The following GTF3C1 variants were observed in gnomAD, a reference collection of about 807,000 sequenced individuals.
GTF3C1 encodes general transcription factor IIIC subunit 1.
In GTF3C1, 57 loss-of-function variants were observed where a neutral mutation model predicts 226.7. That is an observed-to-expected ratio of 0.25 (90% CI 0.20 to 0.31). GTF3C1 has a LOEUF of 0.31. Among genes scored for constraint, GTF3C1 ranks in the 10% least tolerant of loss-of-function variants. The pLI is 1.00. For synonymous variants in GTF3C1, 1,090 were observed against 1,084.8 expected, an observed-to-expected ratio of 1.00 and a Z score of -0.09; for missense variants, 2,217 against 2,776.1, an observed-to-expected ratio of 0.80 and a Z score of 4.53.
At chr16:27,484,042 G>A (rs898060830) in intron 25 of GTF3C1, among the ~76,000 whole-genome samples, 169 bp downstream of exon 25, 3 of 152,150 alleles carry the variant, frequency 2.0e-5, no homozygotes, top group Admixed American at 1.3e-4. Flanking sequence ...CCAGAATCAT[G>A]CTTGGCCCTC....
chr16:27,499,332 G>C (rs2088370111), intron 12 of GTF3C1, among the ~76,000 whole-genome samples: 1 of 152,232 alleles, frequency 6.6e-6, no homozygotes, highest in African/African-American at 2.4e-5. Flanking sequence ...AACAGACTGT[G>C]TGGAAGGGAA....
At position 27,495,410 on chromosome 16, in the gene GTF3C1, G is replaced by C; in HGVS notation, c.2433C>G (p.Ile811Met). ...RVVHMFLWYLIYGHPASNTVE... is the reference protein window; with the variant it reads ...RVVHMFLWYLMYGHPASNTVE... ...CGGTGTTGCTGGCAGGGTGCCCGTA[G>C]ATGAGGTACCACAGAAACATGTGGA... The change falls in exon 15 of 37, where the codon ATC (isoleucine) becomes ATG (methionine). Residue 811 changes from isoleucine to methionine, a missense_variant. Physicochemically the swap from Ile to Met is conservative, Grantham distance 10 (BLOSUM62 1). This residue lies in a region of GTF3C1 where 353 missense variants were observed against 411.7 expected (regional missense o/e 0.86). Coordinates refer to ENST00000356183, the MANE Select transcript of GTF3C1 (RefSeq NM_001520.4). The C allele has an allele frequency of 6.2e-7, 1 of 1,613,994 alleles. No individual in the cohort carries two copies. The highest frequency in any genetic ancestry group is 8.5e-7 in the Non-Finnish European group (1 of 1,179,854).
Position 27,463,449 on chromosome 16 carries a change from GAAAGACCCTC to G in GTF3C1, c.5924+82_5924+91del. 4 of 781,992 alleles carry G rather than the reference GAAAGACCCTC, an allele frequency of 5.1e-6. No homozygotes were observed. Among genetic ancestry groups the G allele is most frequent in the Admixed American group, 4.2e-5 (2 of 47,426 alleles). The allele number at this position is 781,992 out of a possible 1,614,324, so 48.4% of individuals were successfully genotyped here. A position where few individuals can be genotyped will look rare whatever the true frequency, so the allele number is the denominator to read the frequency against. ...CAGGCTGTCAGAGCTGGTACCTGGGGAAAGACCCTCAAAGACCCTCACACAAATCCTTACA... is the reference window on the plus strand; with the variant it reads ...CAGGCTGTCAGAGCTGGTACCTGGGGAAAGACCCTCACACAAATCCTTACA... On this transcript the variant is annotated intron_variant, in intron 35 of 36. Coordinates refer to ENST00000356183, the MANE Select transcript of GTF3C1 (RefSeq NM_001520.4). This position sits in a 1 kb window ranked among gnomAD's most constrained non-coding sequence, Gnocchi z 4.9.
In GTF3C1 at chr16:27,513,028, G is replaced by A. The variant is rs577875389; in HGVS notation, c.974-1127C>T. On this transcript the variant is annotated intron_variant, in intron 6 of 36. Coordinates refer to ENST00000356183, the MANE Select transcript of GTF3C1 (RefSeq NM_001520.4). ...ACATGTGAACATGTTGCCTTCCATGGCCAAAGGGACTTGGCAGAAGTGATT... is the reference window on the plus strand; with the variant it reads ...ACATGTGAACATGTTGCCTTCCATGACCAAAGGGACTTGGCAGAAGTGATT... Among the ~76,000 whole-genome samples, 6 of 152,306 alleles carry A rather than the reference G, an allele frequency of 3.9e-5. No homozygotes were observed. The East Asian group carries it at 1.2e-3, about 29-fold the overall frequency.
In GTF3C1 at chr16:27,470,893, T is replaced by C. The variant is rs565439071; in HGVS notation, c.4527-498A>G. On this transcript the variant is annotated intron_variant, in intron 30 of 36. Transcript: ENST00000356183. This position sits in a 1 kb window ranked among gnomAD's most constrained non-coding sequence, Gnocchi z 4.9. ...GTCAGAGGGAGGGACCAAAAAGGCC[T>C]TCCTTGTCTGTGACCACTGCCCTCG... 1.2e-4 allele frequency among the ~76,000 whole-genome samples: 18 copies of C among 152,326 alleles called. No individual in the cohort carries two copies. The highest frequency in any genetic ancestry group is 1.1e-3 in the Admixed American group (17 of 15,300).
chr16:27,546,067 C>T (rs1596667844), intron 1 of GTF3C1, among the ~76,000 whole-genome samples: 1 of 152,054 alleles, frequency 6.6e-6, no homozygotes, highest in African/African-American at 2.4e-5. Context: ...AGGGTGGTCT[C>T]GAACTCCTGA....
chr16:27,495,621 T>C, intron 14 of GTF3C1, 129 bp from the exon 15 acceptor site: 1 of 799,142 alleles, frequency 1.3e-6, no homozygotes, highest in Non-Finnish European at 2.0e-6. Context: ...CTTACTGTCT[T>C]AGAGCTTACT....
chr16:27,498,017 C>A (rs2088346242), intron 13 of GTF3C1, among the ~76,000 whole-genome samples, 196 bp from the exon 14 acceptor site: 1 of 152,088 alleles, frequency 6.6e-6, no homozygotes, highest in Non-Finnish European at 1.5e-5. Context: ...GATTGTGGGG[C>A]CCTGAAGAGG....
At chr16:27,466,920 G>A (rs1234954167) in intron 32 of GTF3C1, among the ~76,000 whole-genome samples, 1 of 152,218 alleles carries the variant, frequency 6.6e-6, no homozygotes, top group South Asian at 2.1e-4. Flanking sequence ...GGAAGATGCA[G>A]AAGAAAACTT....
rs1416224664 is a variant in GTF3C1, at chr16:27,469,165, C to A, written c.5074+126G>T. 9.3e-6 allele frequency: 9 copies of A among 969,050 alleles called. No individual in the cohort carries two copies. Among genetic ancestry groups the A allele is most frequent in the Non-Finnish European group, 1.3e-5 (9 of 670,174 alleles). The allele number at this position is 969,050 out of a possible 1,614,324, so 60.0% of individuals were successfully genotyped here. A position where few individuals can be genotyped will look rare whatever the true frequency, so the allele number is the denominator to read the frequency against. ...GGCTGCAAGGATGGGGTGTGTTTTT[C>A]TGTGTGTTCTGTGGCTGCACGCCTG... On this transcript the variant is annotated intron_variant, in intron 32 of 36. Transcript: ENST00000356183. This position sits in a 1 kb window ranked among gnomAD's most constrained non-coding sequence, Gnocchi z 4.5.
rs1229496035 is a variant in GTF3C1, at chr16:27,470,053, C to T, written c.4814+55G>A. The T allele has an allele frequency of 6.9e-7, 1 of 1,451,854 alleles. No homozygotes were observed. Among genetic ancestry groups the T allele is most frequent in the Non-Finnish European group, 9.5e-7 (1 of 1,052,944 alleles). The allele number at this position is 1,451,854 out of a possible 1,614,324, so 89.9% of individuals were successfully genotyped here. A position where few individuals can be genotyped will look rare whatever the true frequency, so the allele number is the denominator to read the frequency against. ...ACTGCTGACCCCTGCCCGTCTGTAT[C>T]TGGCCAATGCCTAGCACGTGGCCAG... On this transcript the variant is annotated intron_variant, in intron 31 of 36. Coordinates refer to ENST00000356183, the MANE Select transcript of GTF3C1 (RefSeq NM_001520.4). The surrounding 1 kb of genome is among the most constrained non-coding windows in gnomAD (Gnocchi z 4.9).
chr16:27,545,545 T>G lies in GTF3C1; in HGVS notation c.222-22A>C, dbSNP rs111919192. The G allele has an allele frequency of 3.6e-6, 5 of 1,377,732 alleles. No homozygotes were observed. The African/African-American group carries it at 7.1e-5, about 20-fold the overall frequency. 85.3% of individuals were successfully genotyped at this position (1,377,732 alleles called of 1,614,324 possible). A position where few individuals can be genotyped will look rare whatever the true frequency, so the allele number is the denominator to read the frequency against. ...ATACCTAAGGAGAAAAACACAAATA[T>G]CAAAGCCCAACTCAGCTTCAGATAT... On this transcript the variant is annotated intron_variant, in intron 1 of 36. Coordinates refer to ENST00000356183, the MANE Select transcript of GTF3C1 (RefSeq NM_001520.4).
At chr16:27,504,479 A>G (rs138986102) in intron 10 of GTF3C1, among the ~76,000 whole-genome samples, 1 of 152,378 alleles carries the variant, frequency 6.6e-6, no homozygotes, top group African/African-American at 2.4e-5. Flanking sequence ...GCCACGCCCC[A>G]TCACCTCTGC....
chr16:27,545,779 T>C (rs1405865582), intron 1 of GTF3C1, among the ~76,000 whole-genome samples: 6 of 152,206 alleles, frequency 3.9e-5, no homozygotes, highest in Admixed American at 3.9e-4. Context: ...GGCCAAGTCA[T>C]GGGCTTTTGT....
chr16:27,503,787 G>A (rs1029694058), intron 10 of GTF3C1, among the ~76,000 whole-genome samples: 24 of 152,158 alleles, frequency 1.6e-4, no homozygotes, highest in African/African-American at 5.6e-4. Context: ...GTGAATCACT[G>A]GACCCAAGTC....
intron 4 of GTF3C1, among the ~76,000 whole-genome samples, chr16:27,534,828 G>A (rs549176102): frequency 5.3e-5 from 8 of 151,970 alleles, no homozygotes; most frequent in Non-Finnish European, 1.0e-4. Context: ...TGAACTGGCC[G>A]GGTCCACTTA....
intron 11 of GTF3C1, 61 bp from the exon 12 acceptor site, chr16:27,501,405 C>A: frequency 6.7e-7 from 1 of 1,482,282 alleles, no homozygotes; most frequent in Admixed American, 1.7e-5. Context: ...CCTTCCTCAA[C>A]CCAGGCAACA....
chr16:27,546,647 C>T (rs956485347), intron 1 of GTF3C1, among the ~76,000 whole-genome samples: 1 of 151,920 alleles, frequency 6.6e-6, no homozygotes, highest in Admixed American at 6.6e-5. Context: ...GGCTGCTTGT[C>T]GAGTTTTATT....
At chr16:27,476,302 A>C in intron 29 of GTF3C1, 149 bp downstream of exon 29, 1 of 587,604 alleles carries the variant, frequency 1.7e-6, no homozygotes, top group Non-Finnish European at 3.0e-6. Context: ...AACAACGATA[A>C]AAAAATAAAG....
Sources: allele counts gnomAD v4.1 joint callset (sites outside exome capture counted in the v4.1 genomes callset), GRCh38; gene constraint gnomAD v4.1.1; regional missense constraint gnomAD v4.1.1; non-coding constraint Gnocchi (gnomAD v3.1); transcripts MANE v1.5; gene names NCBI Gene and HGNC (gene_info 2026-07-23, HGNC 2026-07-21).